The following FKBP5 variants were observed in gnomAD, a reference collection of about 807,000 sequenced individuals.
FKBP5 encodes the protein peptidyl-prolyl cis-trans isomerase FKBP5.
FKBP5 carries 23 observed loss-of-function variants against 50.5 expected under a neutral mutation model. The observed-to-expected ratio is 0.46, with a 90% CI of 0.33 to 0.65. The LOEUF is 0.65. FKBP5 is among the 30% of genes least tolerant of loss of function. FKBP5 has a pLI of 0.02. For synonymous variants in FKBP5, 176 were observed against 190.6 expected (o/e 0.92, Z 0.63); for missense variants, 411 against 553.1 (o/e 0.74, Z 2.58).
rs186062389 is a variant in FKBP5, at chr6:35,583,911, G to C, written c.840+3123C>G. Reference sequence around the variant, plus strand: ...GCAAGGGTGGTGAAAATATAGCAAAGCCCGATTTATCTGAAGAGTTTAGAG... The same window carrying C: ...GCAAGGGTGGTGAAAATATAGCAAACCCCGATTTATCTGAAGAGTTTAGAG... On this transcript the variant is annotated intron_variant, in intron 8 of 10. Coordinates refer to ENST00000357266, the MANE Select transcript of FKBP5 (RefSeq NM_004117.4). The C allele has an allele frequency of 4.1e-6, 4 of 985,320 alleles. No individual in the cohort carries two copies. The African/African-American group carries it at 7.0e-5, about 17-fold the overall frequency. 61.0% of individuals were successfully genotyped at this position (985,320 alleles called of 1,614,324 possible). A position where few individuals can be genotyped will look rare whatever the true frequency, so the allele number is the denominator to read the frequency against.
At chr6:35,613,577 G>A (rs1032226451) in intron 5 of FKBP5, among the ~76,000 whole-genome samples, 6 of 152,140 alleles carry the variant, frequency 3.9e-5, no homozygotes, top group Non-Finnish European at 8.8e-5. Flanking sequence ...ATAAAGAAAA[G>A]GCAAACCAGT....
intron 5 of FKBP5, among the ~76,000 whole-genome samples, chr6:35,600,341 C>T (rs1410807946): frequency 6.6e-6 from 1 of 151,798 alleles, no homozygotes; most frequent in East Asian, 1.9e-4. Flanking sequence ...TTGCTTGAAC[C>T]TAGGAGTTCC....
At chr6:35,678,017 G>A (rs539257908) in intron 1 of FKBP5, among the ~76,000 whole-genome samples, 2 of 152,248 alleles carry the variant, frequency 1.3e-5, no homozygotes, top group South Asian at 4.1e-4. Context: ...TATGTATGAA[G>A]TTCATTATAG....
At chr6:35,632,644 C>T (rs1212047020) in intron 3 of FKBP5, among the ~76,000 whole-genome samples, 2 of 151,890 alleles carry the variant, frequency 1.3e-5, no homozygotes, top group Non-Finnish European at 2.9e-5. Context: ...AATCCCAGCA[C>T]GTTGGGAGGC....
At chr6:35,589,958 T>C (rs1762762140) in intron 7 of FKBP5, among the ~76,000 whole-genome samples, 3 of 152,210 alleles carry the variant, frequency 2.0e-5, no homozygotes, top group Non-Finnish European at 4.4e-5. Flanking sequence ...TGATTTCTTT[T>C]CTGAATCTAA....
intron 3 of FKBP5, among the ~76,000 whole-genome samples, chr6:35,620,578 A>C (rs1318198047): frequency 6.6e-6 from 1 of 151,416 alleles, no homozygotes; most frequent in Non-Finnish European, 1.5e-5. Context: ...AAAAAAAAAA[A>C]ACACCCCAAA....
intron 2 of FKBP5, among the ~76,000 whole-genome samples, chr6:35,639,796 CA>C (rs1764426393): frequency 6.6e-6 from 1 of 152,176 alleles, no homozygotes; most frequent in East Asian, 1.9e-4. Context: ...CAAAGTTATA[CA>C]AAACAAAAAT....
intron 1 of FKBP5, among the ~76,000 whole-genome samples, chr6:35,681,072 T>A (rs1172045564): frequency 3.3e-5 from 5 of 152,234 alleles, no homozygotes; most frequent in Admixed American, 1.3e-4. Flanking sequence ...CTTTTTCTCA[T>A]CATTATTAAA....
intron 1 of FKBP5, among the ~76,000 whole-genome samples, chr6:35,727,518 G>A (rs556758630): frequency 4.7e-4 from 72 of 152,278 alleles, no homozygotes; most frequent in African/African-American, 1.6e-3. Context: ...TTCCCAAACC[G>A]TCCAAAAGGG....
At chr6:35,598,187 T>C (rs1244147865) in intron 5 of FKBP5, among the ~76,000 whole-genome samples, 2 of 152,106 alleles carry the variant, frequency 1.3e-5, no homozygotes, top group African/African-American at 2.4e-5. Context: ...TAAGACAAAA[T>C]AGAAAAAATG....
intron 6 of FKBP5, among the ~76,000 whole-genome samples, chr6:35,592,554 G>A (rs1762854076): frequency 6.6e-6 from 1 of 152,126 alleles, no homozygotes; most frequent in South Asian, 2.1e-4. Flanking sequence ...CCTTGTTTCT[G>A]CCATCTAATA....
At chr6:35,721,581 G>A (rs1207652676) in intron 1 of FKBP5, among the ~76,000 whole-genome samples, 5 of 151,890 alleles carry the variant, frequency 3.3e-5, no homozygotes, top group African/African-American at 7.3e-5. Context: ...TCAGCCTCCC[G>A]AGCAGCTGGG....
intron 5 of FKBP5, among the ~76,000 whole-genome samples, chr6:35,611,442 C>A (rs575778571): frequency 1.2e-4 from 18 of 152,280 alleles, no homozygotes; most frequent in African/African-American, 4.3e-4. Context: ...ATACAGCCAG[C>A]ATTTTGATGG....
At chr6:35,640,183 G>A (rs1023547195) in intron 2 of FKBP5, among the ~76,000 whole-genome samples, 5 of 152,198 alleles carry the variant, frequency 3.3e-5, no homozygotes, top group East Asian at 3.8e-4. Flanking sequence ...TCATCCTTAT[G>A]TGAACATCGC....
At chr6:35,667,834 G>A (rs529998573) in intron 1 of FKBP5, among the ~76,000 whole-genome samples, 1 of 152,136 alleles carries the variant, frequency 6.6e-6, no homozygotes, top group East Asian at 1.9e-4. Flanking sequence ...GCATGGTGGC[G>A]GGCGCCTGTA....
intron 5 of FKBP5, among the ~76,000 whole-genome samples, chr6:35,610,383 G>C (rs550834752): frequency 1.3e-5 from 2 of 151,618 alleles, no homozygotes; most frequent in African/African-American, 4.8e-5. Flanking sequence ...TGGCTAACAC[G>C]GTGAAACCCC....
intron 2 of FKBP5, among the ~76,000 whole-genome samples, chr6:35,710,416 A>T (rs146760034): frequency 0.012 from 1,754 of 152,104 alleles, 30 homozygotes; most frequent in African/African-American, 0.035. Context: ...ATAGTGAGTC[A>T]TGATTGCACA....
intron 5 of FKBP5, among the ~76,000 whole-genome samples, chr6:35,618,422 A>G (rs1236350734): frequency 1.3e-5 from 2 of 152,166 alleles, no homozygotes; most frequent in Non-Finnish European, 2.9e-5. Context: ...AGGCTGAAGC[A>G]CAATGGCACA....
At chr6:35,726,055 G>T (rs544801773) in intron 1 of FKBP5, among the ~76,000 whole-genome samples, 1 of 152,214 alleles carries the variant, frequency 6.6e-6, no homozygotes, top group Non-Finnish European at 1.5e-5. Context: ...GTGTTTGGGG[G>T]AATGTAGGGT....
Sources: allele counts gnomAD v4.1 joint callset (sites outside exome capture counted in the v4.1 genomes callset), GRCh38; gene constraint gnomAD v4.1.1; transcripts MANE v1.5; gene names NCBI Gene and HGNC (gene_info 2026-07-23, HGNC 2026-07-21).